Variants in FYN observed in about 807,000 individuals in gnomAD.
The protein encoded by FYN is tyrosine-protein kinase Fyn.
A neutral mutation model predicts 70.2 loss-of-function variants in FYN; 10 were observed. The ratio of observed to expected loss-of-function variants is 0.14; its 90% confidence interval spans 0.09 to 0.24. The LOEUF (loss-of-function observed/expected upper bound fraction) is 0.24. Ranked by LOEUF, FYN falls within the 10% of genes least tolerant of loss-of-function variation. FYN has a pLI of 1.00. For missense variants in FYN, 319 were observed against 673.1 expected (o/e 0.47, Z 5.82); for synonymous variants, 236 against 248.6 (o/e 0.95, Z 0.48).
Position 111,713,860 on chromosome 6 carries a change from C to T in FYN, c.344+487G>A, listed in dbSNP as rs368447782. On this transcript the variant is annotated intron_variant, in intron 5 of 13. Coordinates refer to ENST00000354650, the MANE Select transcript of FYN (RefSeq NM_002037.5). ...CTCCCAAATTTTTGTTATAGGGAAA[C>T]GCCTCCACAGGCTTCACCAAAGAAA... Among the ~76,000 whole-genome samples, 230 of 152,306 alleles carry T rather than the reference C, an allele frequency of 1.5e-3. 6 individuals are homozygous for T. In the South Asian group the frequency reaches 0.045, roughly 30 times the overall value.
At position 111,835,773 on chromosome 6, in the gene FYN, G is replaced by A. The variant is rs538653331; in HGVS notation, c.-82+10816C>T. Among the ~76,000 whole-genome samples the A allele has an allele frequency of 1.1e-4, 16 of 152,030 alleles. No homozygotes were observed. In the South Asian group the frequency reaches 3.3e-3, roughly 32 times the overall value. ...CTGATAACGCCTGGTACTGTGGCGT[G>A]CCTGGGCATCTAACAAAGGCAAAAA... On this transcript the variant is annotated intron_variant, in intron 2 of 13. Transcript: ENST00000354650.
At chr6:111,786,280 A>G (rs906474730) in intron 2 of FYN, among the ~76,000 whole-genome samples, 4 of 151,730 alleles carry the variant, frequency 2.6e-5, no homozygotes, top group African/African-American at 9.7e-5. Context: ...TCATTGTTCA[A>G]TTCCCACCTA....
rs11405453 is a variant in FYN, at chr6:111,715,245, C to CTT, written c.248-804_248-803dup. On this transcript the variant is annotated intron_variant, in intron 4 of 13. Transcript: ENST00000354650. The stretch of plus-strand genomic sequence containing the variant: ...TTCCTCCATATAATTAGGCATAATT[C>CTT]TTTTTTTTTTTTCAAATAGAGACGG... Among the ~76,000 whole-genome samples, 903 of 147,116 alleles carry CTT rather than the reference C, an allele frequency of 6.1e-3. 4 individuals are homozygous for CTT. Among genetic ancestry groups the CTT allele is most frequent in the African/African-American group, 0.018 (741 of 40,312 alleles).
At chr6:111,830,006 T>A (rs1393331157) in intron 2 of FYN, among the ~76,000 whole-genome samples, 2 of 152,188 alleles carry the variant, frequency 1.3e-5, no homozygotes, top group African/African-American at 4.8e-5. Flanking sequence ...ATTCTCCTGG[T>A]CCTCCACCCC....
At chr6:111,747,296 T>C (rs1358567222) in intron 3 of FYN, among the ~76,000 whole-genome samples, 1 of 152,146 alleles carries the variant, frequency 6.6e-6, no homozygotes, top group Non-Finnish European at 1.5e-5. Context: ...ACCTGGAAGC[T>C]TCAAGGAAAG....
At chr6:111,700,358 GCA>G in intron 8 of FYN, 90 bp from the exon 9 acceptor site, 1 of 1,329,188 alleles carries the variant, frequency 7.5e-7, no homozygotes, top group Admixed American at 1.9e-5. Context: ...CACTAGCGGC[GCA>G]CAGTGCTCCT....
intron 2 of FYN, among the ~76,000 whole-genome samples, chr6:111,806,964 G>A (rs543052605): frequency 3.7e-4 from 56 of 152,144 alleles, no homozygotes; most frequent in Admixed American, 7.2e-4. Context: ...CATGTCTTCC[G>A]GACCCCAGCG....
rs541773729 is a variant in FYN at position 111,699,461 on chromosome 6, T to A, written c.862+643A>T. 3.2e-6 allele frequency: 5 copies of A among 1,572,700 alleles called. No individual in the cohort carries two copies. In the African/African-American group the frequency reaches 6.8e-5, roughly 21 times the overall value. ...GTGTGTGCATTTTTGTTCAAAACCA[T>A]CCTTTTAATCGGCTTTGAGATGCAG... On this transcript the variant is annotated intron_variant, in intron 9 of 13. Transcript: ENST00000354650.
At chr6:111,767,432 C>T (rs532815749) in intron 3 of FYN, among the ~76,000 whole-genome samples, 2 of 152,250 alleles carry the variant, frequency 1.3e-5, no homozygotes, top group Admixed American at 1.3e-4. Context: ...GATGAAGTCT[C>T]GCTCTGTTGC....
chr6:111,775,028 C>T (rs1232353609), intron 3 of FYN, among the ~76,000 whole-genome samples: 2 of 152,170 alleles, frequency 1.3e-5, no homozygotes, highest in Non-Finnish European at 2.9e-5. Context: ...TAGCTGTTTA[C>T]AAACTTAAAT....
intron 3 of FYN, chr6:111,754,557 C>T (rs565688307): frequency 6.6e-6 from 1 of 152,234 alleles, no homozygotes; most frequent in South Asian, 2.1e-4. Context: ...TGTTGCTATG[C>T]GTTGTTTTCC....
At chr6:111,699,739 G>A (rs1583325967) in intron 9 of FYN, 1 of 1,441,518 alleles carries the variant, frequency 6.9e-7, no homozygotes, top group East Asian at 2.3e-5. Flanking sequence ...CACTAGGAAA[G>A]ATGGAAGGTG....
chr6:111,709,509 C>CA (rs947825688), intron 5 of FYN, among the ~76,000 whole-genome samples: 5 of 151,670 alleles, frequency 3.3e-5, no homozygotes, highest in Admixed American at 6.6e-5. Context: ...GAATAGCCCA[C>CA]AAAAAAAACC....
chr6:111,665,388 A>G (rs879418145), intron 13 of FYN, among the ~76,000 whole-genome samples: 3 of 152,200 alleles, frequency 2.0e-5, no homozygotes, highest in Admixed American at 1.3e-4. Context: ...CACTAACAAA[A>G]AGATAGGTCT....
intron 3 of FYN, among the ~76,000 whole-genome samples, chr6:111,756,191 C>T (rs1802725687): frequency 6.6e-6 from 1 of 151,992 alleles, no homozygotes; most frequent in Non-Finnish European, 1.5e-5. Flanking sequence ...GATTAAATAA[C>T]AGCACACTAC....
At chr6:111,749,616 C>T (rs1802396091) in intron 3 of FYN, among the ~76,000 whole-genome samples, 1 of 152,150 alleles carries the variant, frequency 6.6e-6, no homozygotes, top group African/African-American at 2.4e-5. Flanking sequence ...ATGTTCAAAG[C>T]ATGTAATTAT....
At chr6:111,863,900 T>C (rs1774032608) in intron 1 of FYN, among the ~76,000 whole-genome samples, 1 of 152,170 alleles carries the variant, frequency 6.6e-6, no homozygotes, top group Admixed American at 6.5e-5. Flanking sequence ...ACTACTCTAG[T>C]TGGGACTCCC....
Position 111,694,328 on chromosome 6 carries a change from C to T in FYN, c.1273+47G>A, listed in dbSNP as rs1290706067. On this transcript the variant is annotated intron_variant, in intron 12 of 13. Transcript: ENST00000354650. The surrounding 1 kb of genome is among the most constrained non-coding windows in gnomAD (Gnocchi z 5.0). Reference sequence around the variant, plus strand: ...GAAGGAAGGGCTGTGCAGTAAGTGACTGTTCTCACAGCTGTGATCACGAGC... The same window carrying T: ...GAAGGAAGGGCTGTGCAGTAAGTGATTGTTCTCACAGCTGTGATCACGAGC... 2 of 1,606,706 alleles carry T rather than the reference C, an allele frequency of 1.2e-6. No individual in the cohort carries two copies. Among genetic ancestry groups the T allele is most frequent in the Non-Finnish European group, 1.7e-6 (2 of 1,174,418 alleles).
intron 3 of FYN, among the ~76,000 whole-genome samples, chr6:111,739,803 G>T (rs1022822198): frequency 1.3e-5 from 2 of 152,306 alleles, no homozygotes; most frequent in African/African-American, 4.8e-5. Context: ...CTGATAGAAA[G>T]TTACTGATAC....
Sources: allele counts gnomAD v4.1 joint callset (sites outside exome capture counted in the v4.1 genomes callset), GRCh38; gene constraint gnomAD v4.1.1; non-coding constraint Gnocchi (gnomAD v3.1); transcripts MANE v1.5; gene names NCBI Gene and HGNC (gene_info 2026-07-23, HGNC 2026-07-21).